The following CACNG2 variants were observed in gnomAD, a reference collection of about 807,000 sequenced individuals.
CACNG2 encodes voltage-dependent calcium channel gamma-2 subunit.
Under a neutral mutation model 25.9 loss-of-function variants are expected in CACNG2, and 3 were observed. The observed-to-expected ratio is 0.12, with a 90% CI of 0.05 to 0.30. The LOEUF (loss-of-function observed/expected upper bound fraction) is 0.30. Among genes scored for constraint, CACNG2 ranks in the 10% least tolerant of loss-of-function variants. The pLI is 1.00. For synonymous variants in CACNG2, 167 were observed against 173.3 expected (o/e 0.96, Z 0.29); for missense variants, 341 against 432.5 (o/e 0.79, Z 1.88).
chr22:36,700,693 G>C lies in CACNG2; in HGVS notation c.211+1673C>G, dbSNP rs139640878. 7.9e-3 allele frequency among the ~76,000 whole-genome samples: 1,200 copies of C among 152,232 alleles called. 10 individuals carry two copies. The highest frequency in any genetic ancestry group is 8.7e-3 in the Non-Finnish European group (594 of 68,016). ...AAAGGCTTTTCATTTTTTTAAGGAG[G>C]GGGCGTGTGTGTGCATGTGTTTAAA... On this transcript the variant is annotated intron_variant, in intron 1 of 3. Transcript: ENST00000300105.
chr22:36,611,256 A>G (rs1935935087), intron 1 of CACNG2, among the ~76,000 whole-genome samples: 1 of 152,032 alleles, frequency 6.6e-6, no homozygotes, highest in South Asian at 2.1e-4. Context: ...GCTTTTTGGC[A>G]TTTCTGGTAG....
In CACNG2 at chr22:36,646,098, G is replaced by A. The variant is rs560704495; in HGVS notation, c.211+56268C>T. Among the ~76,000 whole-genome samples, 9 of 152,228 alleles carry A rather than the reference G, an allele frequency of 5.9e-5. No individual in the cohort carries two copies. The South Asian group carries it at 1.9e-3, about 32-fold the overall frequency. Reference sequence around the variant, plus strand: ...CAAAAGCTATAGAAAATATTGGCTTGACTTGATTTTGTAAAGATTTCTGTG... The same window carrying A: ...CAAAAGCTATAGAAAATATTGGCTTAACTTGATTTTGTAAAGATTTCTGTG... On this transcript the variant is annotated intron_variant, in intron 1 of 3. Coordinates refer to ENST00000300105, the MANE Select transcript of CACNG2 (RefSeq NM_006078.5).
intron 1 of CACNG2, among the ~76,000 whole-genome samples, chr22:36,622,203 GC>G (rs1569032339): frequency 6.6e-6 from 1 of 152,210 alleles, no homozygotes; most frequent in African/African-American, 2.4e-5. Flanking sequence ...CATTTCCTGA[GC>G]CCCCAACTAT....
At chr22:36,570,762 C>CAAAA (rs11445356) in intron 2 of CACNG2, among the ~76,000 whole-genome samples, 3 of 64,166 alleles carry the variant, frequency 4.7e-5, no homozygotes, top group African/African-American at 1.0e-4. Flanking sequence ...GACTCCATCT[C>CAAAA]AAAAAAAAAA....
At chr22:36,665,621 C>T (rs1475983605) in intron 1 of CACNG2, among the ~76,000 whole-genome samples, 1 of 152,108 alleles carries the variant, frequency 6.6e-6, no homozygotes, top group East Asian at 1.9e-4. Flanking sequence ...TGAAAAGATG[C>T]TTAATATCAT....
intron 1 of CACNG2, among the ~76,000 whole-genome samples, chr22:36,611,745 G>A (rs145601413): frequency 6.6e-6 from 1 of 152,142 alleles, no homozygotes; most frequent in Non-Finnish European, 1.5e-5. Context: ...TAGCACTGTG[G>A]CCGGCGTCTG....
At chr22:36,586,147 G>C (rs1935499149) in intron 2 of CACNG2, among the ~76,000 whole-genome samples, 1 of 152,224 alleles carries the variant, frequency 6.6e-6, no homozygotes, top group African/African-American at 2.4e-5. Context: ...GTTTTTCCAA[G>C]GGCCCTCCCT....
Position 36,702,606 on chromosome 22 carries a change from C to T in CACNG2, c.-30G>A. The T allele has an allele frequency of 6.3e-7, 1 of 1,580,036 alleles. No homozygotes were observed. Among genetic ancestry groups the T allele is most frequent in the Non-Finnish European group, 8.7e-7 (1 of 1,149,198 alleles). On this transcript the variant is annotated 5_prime_UTR_variant, in exon 1 of 4. Coordinates refer to ENST00000300105, the MANE Select transcript of CACNG2 (RefSeq NM_006078.5). ...CTTCATTATATAAACACCCAACCGA[C>T]TTCTGGTTCTCGGGAGAGTGTGTGT... is the stretch of plus-strand genomic sequence containing the variant.
chr22:36,584,529 T>A (rs574318465), intron 2 of CACNG2: 1 of 152,398 alleles, frequency 6.6e-6, no homozygotes, highest in African/African-American at 2.4e-5. Flanking sequence ...CACTAGGATG[T>A]AACCTTCACG....
intron 2 of CACNG2, among the ~76,000 whole-genome samples, chr22:36,573,328 AATT>A (rs144843122): frequency 4.0e-5 from 6 of 151,844 alleles, no homozygotes; most frequent in African/African-American, 9.7e-5. Flanking sequence ...TTTACTTTTT[AATT>A]ATTATTATTA....
chr22:36,674,431 C>A (rs144247400), intron 1 of CACNG2, among the ~76,000 whole-genome samples: 3 of 152,188 alleles, frequency 2.0e-5, no homozygotes, highest in African/African-American at 7.2e-5. Context: ...TGGGCTTGAG[C>A]GATTCTCCTG....
chr22:36,600,991 G>A (rs1244006568), intron 1 of CACNG2, among the ~76,000 whole-genome samples: 1 of 152,138 alleles, frequency 6.6e-6, no homozygotes, highest in African/African-American at 2.4e-5. Flanking sequence ...GTTTTTCCCT[G>A]TGTGCCAGGA....
chr22:36,583,253 C>T (rs1434184368), intron 2 of CACNG2, among the ~76,000 whole-genome samples: 1 of 151,906 alleles, frequency 6.6e-6, no homozygotes, highest in Non-Finnish European at 1.5e-5. Flanking sequence ...GTCAACATGG[C>T]AAAATCCCGT....
At chr22:36,569,978 G>A (rs1935197171) in intron 2 of CACNG2, among the ~76,000 whole-genome samples, 1 of 152,224 alleles carries the variant, frequency 6.6e-6, no homozygotes, top group Non-Finnish European at 1.5e-5. Context: ...CAGCTCAGAG[G>A]AACAGGCAGA....
intron 1 of CACNG2, among the ~76,000 whole-genome samples, chr22:36,601,006 CT>C (rs1253670907): frequency 1.3e-5 from 2 of 152,118 alleles, no homozygotes; most frequent in African/African-American, 4.8e-5. Flanking sequence ...CCAGGAGCAG[CT>C]ATAATCTCAT....
At chr22:36,672,963 C>G (rs1181870564) in intron 1 of CACNG2, among the ~76,000 whole-genome samples, 1 of 152,234 alleles carries the variant, frequency 6.6e-6, no homozygotes, top group Non-Finnish European at 1.5e-5. Context: ...CAGTGGCTCA[C>G]GCCTGTAACC....
chr22:36,694,652 TGAAACA>T (rs1380686266), intron 1 of CACNG2, among the ~76,000 whole-genome samples: 1 of 152,184 alleles, frequency 6.6e-6, no homozygotes, highest in African/African-American at 2.4e-5. Context: ...ATGTTTAGGA[TGAAACA>T]GAGCCATTTT....
intron 1 of CACNG2, among the ~76,000 whole-genome samples, chr22:36,624,629 T>A (rs1398899845): frequency 6.6e-6 from 1 of 152,106 alleles, no homozygotes; most frequent in Admixed American, 6.5e-5. Flanking sequence ...AACCTGCCCC[T>A]AGTTCTTTGG....
chr22:36,621,892 G>C (rs1390403904), intron 1 of CACNG2, among the ~76,000 whole-genome samples: 1 of 152,194 alleles, frequency 6.6e-6, no homozygotes, highest in Non-Finnish European at 1.5e-5. Context: ...CAAACTTGTA[G>C]GTTTGCGAGA....
Sources: allele counts gnomAD v4.1 joint callset (sites outside exome capture counted in the v4.1 genomes callset), GRCh38; gene constraint gnomAD v4.1.1; transcripts MANE v1.5; gene names NCBI Gene and HGNC (gene_info 2026-07-23, HGNC 2026-07-21).